RNF6: variants seen among roughly 807,000 people sequenced by gnomAD.
RNF6 encodes ring finger protein 6, also known as E3 ubiquitin-protein ligase RNF6.
Under a neutral mutation model 50.1 loss-of-function variants are expected in RNF6, and 21 were observed. The ratio of observed to expected loss-of-function variants is 0.42; its 90% confidence interval spans 0.30 to 0.60. The LOEUF is 0.60. Among genes scored for constraint, RNF6 ranks in the 20% least tolerant of loss-of-function variants. The pLI, the probability that RNF6 is intolerant of heterozygous loss-of-function variation, is 0.20. For synonymous variants in RNF6, 255 were observed against 291.8 expected (o/e 0.87, Z 1.29); for missense variants, 698 against 838.2 (o/e 0.83, Z 2.07).
chr13:26,153,025 C>T lies in RNF6; in HGVS notation n.769-20574G>A, dbSNP rs1455501741. Among the ~76,000 whole-genome samples the T allele has an allele frequency of 3.3e-5, 5 of 151,866 alleles. 1 individual carries two copies. The South Asian group carries it at 6.3e-4, about 19-fold the overall frequency. ...AAAATGCGCCGGGTGTGGTGGCACT[C>T]GCCTGTAGTCCCGGCTACTTACGAG... On this transcript the variant is annotated intron_variant and non_coding_transcript_variant, in intron 5 of 5. Coordinates refer to the RNF6 transcript ENST00000468480.
At chr13:26,144,348 C>A (rs1316729431) in intron 5 of RNF6, among the ~76,000 whole-genome samples, 4 of 151,390 alleles carry the variant, frequency 2.6e-5, no homozygotes, top group Admixed American at 1.3e-4. Flanking sequence ...GCTGAGGTGA[C>A]CCCTTGGTAA....
At position 26,177,267 on chromosome 13, in the gene RNF6, C is replaced by T. The variant is rs576551640; in HGVS notation, n.768+38207G>A. Among the ~76,000 whole-genome samples, 210 of 152,262 alleles carry T rather than the reference C, an allele frequency of 1.4e-3. 1 individual carries two copies. The highest frequency in any genetic ancestry group is 2.4e-3 in the Non-Finnish European group (165 of 68,026). ...CTCCTGGAAGCAGTGTCTATACCAG[C>T]GACTCTACTTCATTGACTCCCATTC... On this transcript the variant is annotated intron_variant and non_coding_transcript_variant, in intron 5 of 5. Transcript: ENST00000468480.
downstream of RNF6, among the ~76,000 whole-genome samples, chr13:26,210,119 G>A (rs926864658): frequency 5.9e-5 from 9 of 152,140 alleles, no homozygotes; most frequent in African/African-American, 1.7e-4. Flanking sequence ...CTTTTGAAAC[G>A]TGGGATGATG....
intron 5 of RNF6, among the ~76,000 whole-genome samples, chr13:26,155,262 C>T (rs1871854252): frequency 6.6e-6 from 1 of 152,132 alleles, no homozygotes; most frequent in Admixed American, 6.5e-5. Context: ...AAGCAAAGCT[C>T]TGTCTCTAAA....
chr13:26,134,687 A>G (rs1044745476), intron 5 of RNF6, among the ~76,000 whole-genome samples: 5 of 152,010 alleles, frequency 3.3e-5, no homozygotes, highest in African/African-American at 1.2e-4. Context: ...TTCTTTATAT[A>G]ATGCCCAAAG....
chr13:26,141,490 G>A (rs1164521035), intron 5 of RNF6, among the ~76,000 whole-genome samples: 1 of 150,998 alleles, frequency 6.6e-6, no homozygotes, highest in East Asian at 1.9e-4. Context: ...GTACTACAAG[G>A]CTACAGTAAC....
intron 5 of RNF6, among the ~76,000 whole-genome samples, chr13:26,150,532 G>A (rs964361599): frequency 8.6e-5 from 13 of 151,852 alleles, no homozygotes; most frequent in South Asian, 6.3e-4. Context: ...CCTTTCAGCC[G>A]CTTAAGACTT....
At chr13:26,168,473 G>A (rs7982053) in intron 5 of RNF6, among the ~76,000 whole-genome samples, 3 of 152,340 alleles carry the variant, frequency 2.0e-5, no homozygotes, top group South Asian at 2.1e-4. Flanking sequence ...TTTTTGGGCA[G>A]GGGTAGGACC....
intron 5 of RNF6, among the ~76,000 whole-genome samples, chr13:26,139,260 C>A (rs573114820): frequency 2.0e-4 from 31 of 152,248 alleles, no homozygotes; most frequent in African/African-American, 7.5e-4. Context: ...TAGAGACCAC[C>A]GCCATAGCCC....
chr13:26,174,136 G>A (rs1427988275), intron 5 of RNF6, among the ~76,000 whole-genome samples: 1 of 151,906 alleles, frequency 6.6e-6, no homozygotes, highest in Non-Finnish European at 1.5e-5. Context: ...TTAAGCAGCA[G>A]GTAAATTACA....
At chr13:26,164,320 T>C (rs1872347498) in intron 5 of RNF6, among the ~76,000 whole-genome samples, 1 of 152,212 alleles carries the variant, frequency 6.6e-6, no homozygotes, top group South Asian at 2.1e-4. Context: ...ACCAACCCTG[T>C]AATTTGTGTT....
chr13:26,182,696 T>G (rs1284025441), intron 5 of RNF6, among the ~76,000 whole-genome samples: 2 of 152,050 alleles, frequency 1.3e-5, no homozygotes, highest in Non-Finnish European at 2.9e-5. Flanking sequence ...TCCCAGCTAC[T>G]CAGGAGGCTA....
chr13:26,173,949 C>CAAAAA (rs10674426), intron 5 of RNF6, among the ~76,000 whole-genome samples: 5 of 117,906 alleles, frequency 4.2e-5, no homozygotes, highest in East Asian at 2.4e-4. Flanking sequence ...GACTCCGTCT[C>CAAAAA]AAAAAAAAAA....
intron 4 of RNF6, among the ~76,000 whole-genome samples, chr13:26,216,419 C>A (rs1276505600): frequency 6.6e-6 from 1 of 152,044 alleles, no homozygotes; most frequent in Non-Finnish European, 1.5e-5. Context: ...GTTTTAGTCA[C>A]TGTTACATCT....
At chr13:26,183,663 A>G (rs1873345755) in intron 5 of RNF6, among the ~76,000 whole-genome samples, 1 of 152,110 alleles carries the variant, frequency 6.6e-6, no homozygotes, top group Non-Finnish European at 1.5e-5. Flanking sequence ...AATGTTAGCC[A>G]TGCAGTAAAA....
At chr13:26,203,874 A>G (rs1868989182) in intron 5 of RNF6, among the ~76,000 whole-genome samples, 1 of 152,024 alleles carries the variant, frequency 6.6e-6, no homozygotes, top group Non-Finnish European at 1.5e-5. Flanking sequence ...AATGGCGTGA[A>G]CCCGGGAGGC....
At chr13:26,207,637 A>G (rs1349238922) in intron 5 of RNF6, among the ~76,000 whole-genome samples, 8 of 152,254 alleles carry the variant, frequency 5.3e-5, no homozygotes, top group Non-Finnish European at 1.2e-4. Flanking sequence ...GCAGCCGGCC[A>G]TCTCAGATAT....
intron 5 of RNF6, among the ~76,000 whole-genome samples, chr13:26,151,621 C>CTTTTTT (rs10682446): frequency 4.9e-4 from 68 of 139,580 alleles, no homozygotes; most frequent in African/African-American, 1.6e-3. Context: ...TTCTTTTTTT[C>CTTTTTT]TTTTTTTTTT....
At chr13:26,145,876 G>C (rs1263186359) in intron 5 of RNF6, among the ~76,000 whole-genome samples, 1 of 152,174 alleles carries the variant, frequency 6.6e-6, no homozygotes, top group Non-Finnish European at 1.5e-5. Flanking sequence ...CTACAGGTCA[G>C]GGAACCAATG....
Sources: allele counts gnomAD v4.1 joint callset (sites outside exome capture counted in the v4.1 genomes callset), GRCh38; gene constraint gnomAD v4.1.1; transcripts MANE v1.5; gene names NCBI Gene and HGNC (gene_info 2026-07-23, HGNC 2026-07-21).